PTPRE: variants seen among roughly 807,000 people sequenced by gnomAD.
PTPRE encodes the protein protein tyrosine phosphatase receptor type E, also known as receptor-type tyrosine-protein phosphatase epsilon.
A neutral mutation model predicts 102.0 loss-of-function variants in PTPRE; 51 were observed. The ratio of observed to expected loss-of-function variants is 0.50; its 90% CI spans 0.40 to 0.63. The LOEUF (loss-of-function observed/expected upper bound fraction) is 0.63. Among genes scored for constraint, PTPRE ranks in the 30% least tolerant of loss-of-function variants. PTPRE has a pLI of 0.00. For synonymous variants in PTPRE, 345 were observed against 348.2 expected (o/e 0.99, Z 0.10); for missense variants, 752 against 915.1 (o/e 0.82, Z 2.30).
chr10:127,988,021 T>G (rs1339184994), intron 2 of PTPRE, among the ~76,000 whole-genome samples: 7 of 152,228 alleles, frequency 4.6e-5, no homozygotes, highest in Non-Finnish European at 7.3e-5. Context: ...GAGTGCCAAC[T>G]GCCTAAGGGG....
chr10:127,994,376 C>A (rs1025522462), intron 2 of PTPRE, among the ~76,000 whole-genome samples: 3 of 152,164 alleles, frequency 2.0e-5, no homozygotes, highest in African/African-American at 7.2e-5. Flanking sequence ...TTTCTGTACC[C>A]CCGTTTTACT....
At chr10:127,924,885 AC>A (rs1459644325) in intron 1 of PTPRE, among the ~76,000 whole-genome samples, 4 of 152,118 alleles carry the variant, frequency 2.6e-5, no homozygotes, top group African/African-American at 9.7e-5. Flanking sequence ...AAGCAAGAAA[AC>A]CTCAGACATT....
chr10:128,042,412 A>T (rs918771669), intron 3 of PTPRE, among the ~76,000 whole-genome samples: 1 of 152,176 alleles, frequency 6.6e-6, no homozygotes, highest in Non-Finnish European at 1.5e-5. Context: ...ATTGCCATAG[A>T]CATGGGGTGT....
chr10:128,022,673 G>A (rs1452866187), intron 2 of PTPRE, among the ~76,000 whole-genome samples: 2 of 152,232 alleles, frequency 1.3e-5, no homozygotes, highest in African/African-American at 2.4e-5. Flanking sequence ...TTCAAGTTCA[G>A]AGAGAAAAGC....
At chr10:128,082,810 G>A (rs887842728) in intron 20 of PTPRE, 22 bp from the exon 21 acceptor site, 24 of 1,540,888 alleles carry the variant, frequency 1.6e-5, no homozygotes, top group Admixed American at 2.4e-5. Flanking sequence ...TCATTTTAAT[G>A]TGTCCTTGTT....
At chr10:127,973,658 A>G (rs1249306438) in intron 1 of PTPRE, among the ~76,000 whole-genome samples, 1 of 152,164 alleles carries the variant, frequency 6.6e-6, no homozygotes, top group Non-Finnish European at 1.5e-5. Flanking sequence ...CTGAAAAAAA[A>G]AAATTGATCT....
chr10:127,988,832 C>T (rs1345644586), intron 2 of PTPRE, among the ~76,000 whole-genome samples: 2 of 152,136 alleles, frequency 1.3e-5, no homozygotes, highest in Non-Finnish European at 2.9e-5. Flanking sequence ...TCTACAATAA[C>T]ATTTTTTAAA....
At chr10:127,978,337 G>A (rs569050121) in intron 1 of PTPRE, among the ~76,000 whole-genome samples, 3 of 151,772 alleles carry the variant, frequency 2.0e-5, no homozygotes, top group East Asian at 2.0e-4. Flanking sequence ...CCAGGAGTTC[G>A]AGACCAGTCT....
intron 1 of PTPRE, chr10:127,934,045 C>CAA (rs1847645193): frequency 7.2e-6 from 1 of 138,984 alleles, no homozygotes; most frequent in Non-Finnish European, 1.5e-5. Flanking sequence ...CACACACACA[C>CAA]ACACACACAC....
At chr10:128,077,552 C>T (rs1851319363) in intron 18 of PTPRE, 65 bp from the exon 19 acceptor site, 2 of 1,533,690 alleles carry the variant, frequency 1.3e-6, no homozygotes, top group Admixed American at 3.6e-5. Flanking sequence ...CCTGAGAGGG[C>T]AGATGGGGCT....
chr10:127,971,935 G>A (rs575856682), intron 1 of PTPRE, among the ~76,000 whole-genome samples: 10 of 152,146 alleles, frequency 6.6e-5, no homozygotes, highest in African/African-American at 2.2e-4. Flanking sequence ...TTCAACTTCC[G>A]GAGCTTTTAC....
chr10:128,061,929 C>T (rs867560324), intron 9 of PTPRE, among the ~76,000 whole-genome samples: 3 of 152,208 alleles, frequency 2.0e-5, no homozygotes, highest in Admixed American at 1.3e-4. Flanking sequence ...ACACAGGGCA[C>T]GCAATGGCCC....
At position 128,009,317 on chromosome 10, in the gene PTPRE, T is replaced by C. The variant is rs144606423; in HGVS notation, c.-8+27021T>C. 3.4e-4 allele frequency among the ~76,000 whole-genome samples: 52 copies of C among 152,390 alleles called. 1 individual carries two copies. Among genetic ancestry groups the C allele is most frequent in the African/African-American group, 1.2e-3 (49 of 41,596 alleles). On this transcript the variant is annotated intron_variant, in intron 2 of 20. Coordinates refer to ENST00000254667, the MANE Select transcript of PTPRE (RefSeq NM_006504.6). ...GCCAACATATTTTAAAGTGTTTGTT[T>C]ACATTCCAGAAAAGGGTAAAACATC...
intron 2 of PTPRE, among the ~76,000 whole-genome samples, chr10:128,023,060 G>A (rs543544378): frequency 2.2e-4 from 34 of 152,252 alleles, no homozygotes; most frequent in Non-Finnish European, 4.1e-4. Context: ...AGTTACCCAC[G>A]GTCAACTGTG....
At chr10:128,026,334 C>A (rs1157147248) in intron 2 of PTPRE, among the ~76,000 whole-genome samples, 1 of 152,270 alleles carries the variant, frequency 6.6e-6, no homozygotes, top group Non-Finnish European at 1.5e-5. Flanking sequence ...AGGCCCCCTG[C>A]ACGCTTGCCA....
Position 127,907,644 on chromosome 10 carries a change from G to T in PTPRE, c.-31+335G>T, listed in dbSNP as rs569945321. ...GTGGCTACAGTGCGCGGGGGCCGGC[G>T]GCAGGGCGGCGTACGTGAAAGCGGG... On this transcript the variant is annotated intron_variant, in intron 1 of 20. Coordinates refer to ENST00000254667, the MANE Select transcript of PTPRE (RefSeq NM_006504.6). This position sits in a 1 kb window ranked among gnomAD's most constrained non-coding sequence, Gnocchi z 4.8. Among the ~76,000 whole-genome samples the T allele has an allele frequency of 6.6e-6, 1 of 152,124 alleles. No individual in the cohort carries two copies. The highest frequency in any genetic ancestry group is 6.5e-5 in the Admixed American group (1 of 15,284).
chr10:128,079,033 T>C (rs1304715144), intron 19 of PTPRE, among the ~76,000 whole-genome samples: 1 of 152,182 alleles, frequency 6.6e-6, no homozygotes, highest in African/African-American at 2.4e-5. Flanking sequence ...ATGACTCAAA[T>C]CGGCCTTGCT....
At chr10:127,943,628 G>A (rs887066432) in intron 1 of PTPRE, among the ~76,000 whole-genome samples, 13 of 152,324 alleles carry the variant, frequency 8.5e-5, no homozygotes, top group East Asian at 1.9e-4. Flanking sequence ...CCTGGAATGC[G>A]CAGGAGGCTT....
chr10:127,972,091 C>G (rs533646043), intron 1 of PTPRE, among the ~76,000 whole-genome samples: 1 of 152,106 alleles, frequency 6.6e-6, no homozygotes, highest in South Asian at 2.1e-4. Flanking sequence ...CTGTGCACTT[C>G]GAAGCCATGA....
Sources: gnomAD v4.1 joint callset for allele counts (sites outside exome capture counted in the v4.1 genomes callset) on GRCh38, gnomAD v4.1.1 for gene constraint, Gnocchi (gnomAD v3.1) non-coding constraint, MANE v1.5 for transcripts, NCBI Gene and HGNC (gene_info 2026-07-23, HGNC 2026-07-21) for gene names.